The following FGF13 variants were observed in gnomAD, a reference collection of about 807,000 sequenced individuals.
FGF13 encodes the protein fibroblast growth factor 13, also known as fibroblast growth factor homologous factor 2.
FGF13 carries 2 observed loss-of-function variants against 19.5 expected under a neutral mutation model. That is an observed-to-expected ratio of 0.10 (90% CI 0.04 to 0.32). The LOEUF (loss-of-function observed/expected upper bound fraction) is 0.32. Ranked by LOEUF, FGF13 falls within the 10% of genes least tolerant of loss-of-function variation. The pLI is 1.00. For missense variants in FGF13, 113 were observed against 192.7 expected (o/e 0.59, Z 2.45); for synonymous variants, 72 against 76.9 (o/e 0.94, Z 0.33).
rs142424030 is a variant in FGF13 at position 138,831,469 on chromosome X, C to T, written c.217+26043G>A. On this transcript the variant is annotated intron_variant, in intron 3 of 6. Coordinates refer to the FGF13 transcript ENST00000436198. Reference sequence around the variant, plus strand: ...GGGACCTTGGGGGCCCAATCCCAACCTCAGTGTATCCAAGAAGTGAGACAT... The same window carrying T: ...GGGACCTTGGGGGCCCAATCCCAACTTCAGTGTATCCAAGAAGTGAGACAT... Among the ~76,000 whole-genome samples, 236 of 111,717 alleles carry T rather than the reference C, an allele frequency of 2.1e-3. 2 individuals carry two copies. The highest frequency in any genetic ancestry group is 7.5e-3 in the African/African-American group (231 of 30,722).
intron 1 of FGF13, among the ~76,000 whole-genome samples, chrX:138,866,336 CAT>C (rs1014838321): frequency 6.2e-5 from 7 of 112,516 alleles, no homozygotes; most frequent in African/African-American, 9.7e-5. Context: ...AGAGAAAAAA[CAT>C]AAACGTATGC....
intron 1 of FGF13, among the ~76,000 whole-genome samples, chrX:138,938,922 C>A (rs963708416): frequency 1.8e-5 from 2 of 111,228 alleles, no homozygotes; most frequent in Non-Finnish European, 3.8e-5. Context: ...TTGTGCGGGA[C>A]TGGGGTGCAA....
chrX:138,647,098 A>C (rs1330458456), intron 3 of FGF13, among the ~76,000 whole-genome samples: 2 of 109,944 alleles, frequency 1.8e-5, no homozygotes, highest in Non-Finnish European at 3.8e-5. Flanking sequence ...GAAATCCGAT[A>C]GGCTGCCCAA....
intron 3 of FGF13, among the ~76,000 whole-genome samples, chrX:138,750,566 C>T (rs2090391097): frequency 1.8e-5 from 2 of 110,921 alleles, no homozygotes; most frequent in Non-Finnish European, 3.8e-5. Flanking sequence ...ACTAAATGTG[C>T]ACAACATCAC....
At chrX:138,821,529 T>C (rs750209016) in intron 3 of FGF13, among the ~76,000 whole-genome samples, 2 of 111,874 alleles carry the variant, frequency 1.8e-5, no homozygotes, top group African/African-American at 3.2e-5. Context: ...ACAAAATCTA[T>C]ACAAGATTTT....
Position 139,015,333 on chromosome X carries a change from GA to G in FGF13, c.-112-150684del, listed in dbSNP as rs982621072. Among the ~76,000 whole-genome samples, 21 of 110,628 alleles carry G rather than the reference GA, an allele frequency of 1.9e-4. 1 individual carries two copies. The highest frequency in any genetic ancestry group is 4.0e-4 in the Non-Finnish European group (21 of 52,663). On this transcript the variant is annotated intron_variant, in intron 1 of 2. Coordinates refer to the FGF13 transcript ENST00000421460. ...TGGAAAAACCTACTAAAGACTTCAT[GA>G]AAAAAATTGTTAGAAATGATACATA...
intron 1 of FGF13, among the ~76,000 whole-genome samples, chrX:139,054,424 G>A (rs2092314129): frequency 9.0e-6 from 1 of 111,329 alleles, no homozygotes; most frequent in Non-Finnish European, 1.9e-5. Flanking sequence ...CGCCCGGCTG[G>A]TCTACATGCC....
intron 1 of FGF13, among the ~76,000 whole-genome samples, chrX:138,890,230 G>A (rs945879877): frequency 9.9e-5 from 11 of 111,500 alleles, no homozygotes; most frequent in Admixed American, 1.9e-4. Context: ...CGCCCGGCCT[G>A]AACTTTTTCT....
chrX:139,003,618 A>C (rs759717497), intron 1 of FGF13, among the ~76,000 whole-genome samples: 100 of 34,598 alleles, frequency 2.9e-3, no homozygotes, highest in African/African-American at 6.7e-3. Context: ...CAGATTAGTT[A>C]GATACAGAGT....
chrX:138,836,068 G>C (rs947868602), intron 3 of FGF13, among the ~76,000 whole-genome samples: 12 of 110,891 alleles, frequency 1.1e-4, no homozygotes, highest in Admixed American at 7.6e-4. Context: ...AGTCTGATGG[G>C]CCTCCCTTTT....
At chrX:139,171,225 T>G (rs2084129745) in intron 1 of FGF13, among the ~76,000 whole-genome samples, 1 of 112,103 alleles carries the variant, frequency 8.9e-6, no homozygotes, top group African/African-American at 3.2e-5. Flanking sequence ...ATTCTTATGC[T>G]GAAAGAATAA....
intron 1 of FGF13, among the ~76,000 whole-genome samples, chrX:139,004,511 G>A (rs186290128): frequency 1.3e-4 from 15 of 112,597 alleles, no homozygotes; most frequent in East Asian, 2.8e-4. Context: ...CTCAAATGCC[G>A]CCAAAGTGGG....
At chrX:138,662,660 T>C (rs1431569449) in intron 3 of FGF13, among the ~76,000 whole-genome samples, 3 of 112,116 alleles carry the variant, frequency 2.7e-5, no homozygotes, top group Non-Finnish European at 5.6e-5. Flanking sequence ...AAGTTACATC[T>C]AAACACTAAA....
chrX:139,195,392 A>C (rs953720832), intron 1 of FGF13, among the ~76,000 whole-genome samples: 1 of 112,434 alleles, frequency 8.9e-6, no homozygotes, highest in African/African-American at 3.2e-5. Context: ...AAGCAGGTCA[A>C]TTCTCAATAC....
chrX:138,906,621 C>T (rs1243789378), intron 1 of FGF13, among the ~76,000 whole-genome samples: 1 of 111,987 alleles, frequency 8.9e-6, no homozygotes, highest in African/African-American at 3.2e-5. Context: ...CATCGGCAAG[C>T]GTTACTTTTA....
At chrX:138,714,418 A>T (rs140333976), upstream of FGF13, among the ~76,000 whole-genome samples, 2 of 112,314 alleles carry the variant, frequency 1.8e-5, no homozygotes, top group East Asian at 5.6e-4. Context: ...GGCTGAGGCA[A>T]GCAGATCACC....
intron 1 of FGF13, among the ~76,000 whole-genome samples, chrX:139,167,711 A>T (rs1418141676): frequency 8.9e-6 from 1 of 112,261 alleles, no homozygotes; most frequent in Non-Finnish European, 1.9e-5. Context: ...CTGATAAGCC[A>T]TAAGATTGAT....
intron 1 of FGF13, among the ~76,000 whole-genome samples, chrX:138,732,078 T>C (rs899626098): frequency 3.6e-5 from 4 of 111,314 alleles, no homozygotes; most frequent in Admixed American, 1.9e-4. Context: ...ATGAAAATAA[T>C]TGACAACCCT....
intron 1 of FGF13, among the ~76,000 whole-genome samples, chrX:139,202,459 G>A (rs1482515638): frequency 1.8e-5 from 2 of 111,749 alleles, no homozygotes; most frequent in Admixed American, 9.5e-5. Context: ...TACAGCTGTC[G>A]TTCTACTTTC....
Sources: allele counts gnomAD v4.1 joint callset (sites outside exome capture counted in the v4.1 genomes callset), GRCh38; gene constraint gnomAD v4.1.1; transcripts MANE v1.5; gene names NCBI Gene and HGNC (gene_info 2026-07-23, HGNC 2026-07-21).